RUNX1T1: variants seen among roughly 807,000 people sequenced by gnomAD.
RUNX1T1 encodes the protein RUNX1 partner transcriptional co-repressor 1.
A neutral mutation model predicts 62.8 loss-of-function variants in RUNX1T1; 4 were observed. That is an observed-to-expected ratio of 0.06 (90% CI 0.03 to 0.15). The LOEUF is 0.15. RUNX1T1 is among the 10% of genes least tolerant of loss of function. The pLI is 1.00. For synonymous variants in RUNX1T1, 291 were observed against 286.0 expected, an observed-to-expected ratio of 1.02 and a Z score of -0.18; for missense variants, 508 against 754.3, an observed-to-expected ratio of 0.67 and a Z score of 3.82.
At chr8:91,976,030 G>C in intron 8 of RUNX1T1, 57 bp from the exon 10 acceptor site, 2 of 1,230,898 alleles carry the variant, frequency 1.6e-6, no homozygotes, top group Non-Finnish European at 2.4e-6. Flanking sequence ...AAGCACACTT[G>C]TGTCATCGCA....
chr8:92,013,646 C>T (rs974929332), intron 3 of RUNX1T1, among the ~76,000 whole-genome samples: 5 of 152,098 alleles, frequency 3.3e-5, no homozygotes, highest in Admixed American at 2.0e-4. Context: ...CCTAAATACT[C>T]GAAAATCCTC....
chr8:92,027,903 T>C (rs1231075029), intron 1 of RUNX1T1, among the ~76,000 whole-genome samples: 6 of 152,028 alleles, frequency 3.9e-5, no homozygotes, highest in Non-Finnish European at 8.8e-5. Context: ...ATAGCACTTA[T>C]CCGGCTAGCT....
At chr8:92,001,913 T>C (rs1245707825) in intron 5 of RUNX1T1, among the ~76,000 whole-genome samples, 1 of 152,220 alleles carries the variant, frequency 6.6e-6, no homozygotes, top group Non-Finnish European at 1.5e-5. Flanking sequence ...TAACAGTTCT[T>C]TTCCCTCTTC....
chr8:91,994,733 A>C, intron 5 of RUNX1T1: 1 of 401,196 alleles, frequency 2.5e-6, no homozygotes. Flanking sequence ...GATTCTCAAG[A>C]TTTAAAGTGC....
chr8:91,963,787 A>G lies in RUNX1T1; in HGVS notation c.1459-3270T>C, dbSNP rs184314839. ...TTTGCAGTTTGTGCATTTTATATTC[A>G]AGATACTATTTCCTGATAATTGTTT... On this transcript the variant is annotated intron_variant, in intron 10 of 10. Coordinates refer to ENST00000396218, the Ensembl canonical transcript of RUNX1T1. Among the ~76,000 whole-genome samples, 9 of 152,346 alleles carry G rather than the reference A, an allele frequency of 5.9e-5. No individual in the cohort carries two copies. In the East Asian group the frequency reaches 1.5e-3, roughly 26 times the overall value.
chr8:91,980,245 C>G (rs2130757154), intron 8 of RUNX1T1, among the ~76,000 whole-genome samples: 1 of 152,276 alleles, frequency 6.6e-6, no homozygotes, highest in South Asian at 2.1e-4. Context: ...GTACAGTAGG[C>G]ATTTGCATTA....
chr8:91,994,331 T>C (rs971186792), intron 5 of RUNX1T1, among the ~76,000 whole-genome samples: 11 of 152,260 alleles, frequency 7.2e-5, no homozygotes, highest in African/African-American at 2.2e-4. Flanking sequence ...ATTTATCATC[T>C]AAGAATATAC....
intron 1 of RUNX1T1, among the ~76,000 whole-genome samples, chr8:92,076,378 T>C (rs1403027402): frequency 6.6e-6 from 1 of 152,156 alleles, no homozygotes; most frequent in Admixed American, 6.5e-5. Flanking sequence ...GCTGGATACA[T>C]TCTCACCCTG....
In RUNX1T1 at chr8:92,046,525, C is replaced by T. The variant is rs1829435382; in HGVS notation, c.7+16021G>A. Among the ~76,000 whole-genome samples the T allele has an allele frequency of 2.6e-5, 4 of 152,086 alleles. No homozygotes were observed. In the South Asian group the frequency reaches 8.3e-4, roughly 32 times the overall value. On this transcript the variant is annotated intron_variant, in intron 1 of 10. Coordinates refer to ENST00000396218, the Ensembl canonical transcript of RUNX1T1. The stretch of plus-strand genomic sequence containing the variant: ...ACTACAGGCCTGTACCACCATGTCC[C>T]ACCAATTTCTTTATTTTTAGTAGAG...
chr8:92,017,469 C>T, intron 1 of RUNX1T1, 106 bp from the exon 3 acceptor site: 2 of 1,578,428 alleles, frequency 1.3e-6, no homozygotes, highest in Non-Finnish European at 1.7e-6. Flanking sequence ...AATTCAACAT[C>T]TTCTATCAAT....
chr8:92,062,985 A>G (rs577578058), upstream of RUNX1T1: 134 of 1,143,716 alleles, frequency 1.2e-4, no homozygotes, highest in Non-Finnish European at 1.4e-4. Flanking sequence ...ATCCTGTTCA[A>G]GGTTAACCCT....
intron 9 of RUNX1T1, among the ~76,000 whole-genome samples, chr8:91,973,685 G>A (rs1813325085): frequency 6.6e-6 from 1 of 152,004 alleles, no homozygotes; most frequent in Admixed American, 6.5e-5. Flanking sequence ...AACAAGCTGA[G>A]TGCAGATGTC....
chr8:92,020,655 G>T (rs190802197), intron 1 of RUNX1T1, among the ~76,000 whole-genome samples: 1 of 152,200 alleles, frequency 6.6e-6, no homozygotes, highest in South Asian at 2.1e-4. Context: ...TAAACAAGAC[G>T]ATCTTCCCTC....
At chr8:91,982,130 C>T (rs796586288) in intron 8 of RUNX1T1, among the ~76,000 whole-genome samples, 1 of 151,330 alleles carries the variant, frequency 6.6e-6, no homozygotes, top group Non-Finnish European at 1.5e-5. Flanking sequence ...TACCTGTAGT[C>T]CCAATTACTT....
intron 1 of RUNX1T1, among the ~76,000 whole-genome samples, chr8:92,098,678 C>T (rs187054582): frequency 1.3e-5 from 2 of 152,204 alleles, no homozygotes; most frequent in East Asian, 3.9e-4. Context: ...CAACCATCAC[C>T]CTCTTTACAT....
intron 5 of RUNX1T1, among the ~76,000 whole-genome samples, chr8:92,000,140 T>C (rs2130969251): frequency 6.6e-6 from 1 of 152,160 alleles, no homozygotes; most frequent in Admixed American, 6.5e-5. Flanking sequence ...ACCCCGTCTC[T>C]GGTAAAAATA....
upstream of RUNX1T1, among the ~76,000 whole-genome samples, chr8:92,101,086 T>C (rs1838013486): frequency 6.6e-6 from 1 of 152,204 alleles, no homozygotes. Flanking sequence ...ACTCCTGTTC[T>C]ATGCAAAGGA....
intron 5 of RUNX1T1, among the ~76,000 whole-genome samples, chr8:91,996,343 A>G (rs975082704): frequency 2.0e-5 from 3 of 152,054 alleles, no homozygotes; most frequent in Non-Finnish European, 2.9e-5. Context: ...CTGGGACTAC[A>G]GGCGCCCGCC....
chr8:92,096,578 G>A (rs564051209), intron 1 of RUNX1T1, among the ~76,000 whole-genome samples: 13 of 152,162 alleles, frequency 8.5e-5, no homozygotes, highest in Middle Eastern at 3.2e-3. Context: ...ATTTTATTGG[G>A]GGAGGGGAAG....
Sources: gnomAD v4.1 joint callset for allele counts (sites outside exome capture counted in the v4.1 genomes callset) on GRCh38, gnomAD v4.1.1 for gene constraint, MANE v1.5 for transcripts, NCBI Gene and HGNC (gene_info 2026-07-23, HGNC 2026-07-21) for gene names.